Variants in FARSB observed in about 807,000 individuals in gnomAD.
The protein encoded by FARSB is phenylalanine--tRNA ligase beta subunit.
Under a neutral mutation model 69.6 loss-of-function variants are expected in FARSB, and 40 were observed. The observed-to-expected ratio is 0.57, with a 90% CI of 0.45 to 0.75. The LOEUF (loss-of-function observed/expected upper bound fraction) is 0.75, where lower values mean the gene tolerates loss of function less well. Among genes scored for constraint, FARSB ranks in the 30% least tolerant of loss-of-function variants. The pLI is 0.00. For synonymous variants in FARSB, 235 were observed against 247.2 expected (o/e 0.95, Z 0.46); for missense variants, 632 against 722.9 (o/e 0.87, Z 1.44).
chr2:222,575,929 CT>C (rs1464164798), intron 16 of FARSB, among the ~76,000 whole-genome samples: 1 of 152,122 alleles, frequency 6.6e-6, no homozygotes, highest in Non-Finnish European at 1.5e-5. Context: ...TGTAAGCTCC[CT>C]CTCTTGCTCA....
intron 16 of FARSB, among the ~76,000 whole-genome samples, chr2:222,577,655 G>A (rs1449889671): frequency 6.6e-6 from 1 of 152,176 alleles, no homozygotes; most frequent in Non-Finnish European, 1.5e-5. Context: ...CTAAGTGATG[G>A]AGCAATGTCT....
Position 222,619,719 on chromosome 2 carries a change from C to T in FARSB, c.1270G>A (p.Ala424Thr). ...TFALCSQEDI[A>T]DKLGVDISAT... ...GAGATATCCACACCTAGTTTATCAG[C>T]AATATCTTCTTGGGAGCACTGTGAA... is the stretch of plus-strand genomic sequence containing the variant. Residue 424 changes from alanine (A) to threonine (T), a missense_variant, in exon 14 of 17, where the codon GCT becomes ACT. Transcript: ENST00000281828. The T allele has an allele frequency of 6.3e-7, 1 of 1,598,094 alleles. No homozygotes were observed. The highest frequency in any genetic ancestry group is 1.1e-5 in the South Asian group (1 of 90,646).
rs999092016 is a variant in FARSB, at chr2:222,619,717, A to G, written c.1272T>C (p.Ala424=). 1.3e-6 allele frequency: 2 copies of G among 1,598,842 alleles called. No individual in the cohort carries two copies. The highest frequency in any genetic ancestry group is 2.7e-5 in the African/African-American group (2 of 74,660). Residue 424 remains alanine, a synonymous_variant, in exon 14 of 17, where the codon GCT becomes GCC. Transcript: ENST00000281828. ...TFALCSQEDI[A]DKLGVDISAT... The stretch of plus-strand genomic sequence containing the variant: ...CAGAGATATCCACACCTAGTTTATC[A>G]GCAATATCTTCTTGGGAGCACTGTG...
At chr2:222,586,048 A>G (rs953074220) in intron 16 of FARSB, among the ~76,000 whole-genome samples, 1 of 152,188 alleles carries the variant, frequency 6.6e-6, no homozygotes, top group African/African-American at 2.4e-5. Flanking sequence ...AGCAACTCCA[A>G]GACATATAAT....
intron 1 of FARSB, among the ~76,000 whole-genome samples, chr2:222,649,885 C>T (rs954559157): frequency 2.6e-5 from 4 of 152,120 alleles, no homozygotes; most frequent in Non-Finnish European, 5.9e-5. Flanking sequence ...TCTTAAGATT[C>T]CTGATTCAGA....
intron 15 of FARSB, among the ~76,000 whole-genome samples, chr2:222,610,525 A>T (rs79538393): frequency 0.018 from 2,748 of 151,508 alleles, 78 homozygotes; most frequent in African/African-American, 0.058. Context: ...AATAAAAATT[A>T]AAAAAAAAGC....
chr2:222,628,515 C>A (rs1010567810), intron 10 of FARSB, among the ~76,000 whole-genome samples: 1 of 152,162 alleles, frequency 6.6e-6, no homozygotes, highest in Non-Finnish European at 1.5e-5. Context: ...GGAATTATGA[C>A]CACACAATGT....
At chr2:222,597,129 G>A (rs1690439918) in intron 16 of FARSB, among the ~76,000 whole-genome samples, 1 of 152,124 alleles carries the variant, frequency 6.6e-6, no homozygotes, top group Non-Finnish European at 1.5e-5. Flanking sequence ...GATAGGGGGT[G>A]AAAGTAAATC....
chr2:222,575,046 A>G (rs202217666), intron 16 of FARSB, among the ~76,000 whole-genome samples: 2 of 152,368 alleles, frequency 1.3e-5, no homozygotes, highest in East Asian at 3.9e-4. Flanking sequence ...AAAGGATAGA[A>G]GAGAGAATAA....
In FARSB at chr2:222,568,931, A is replaced by G. The variant is rs1689673426; in HGVS notation, c.*2940T>C. 6.6e-6 allele frequency: 1 copy of G among 152,236 alleles called. No individual in the cohort carries two copies. The highest frequency in any genetic ancestry group is 2.4e-5 in the African/African-American group (1 of 41,466). The allele number at this position is 152,236 out of a possible 1,614,324, so 9.4% of individuals were successfully genotyped here. A position where few individuals can be genotyped will look rare whatever the true frequency, so the allele number is the denominator to read the frequency against. ...AAGTTTTTTCTAAGCTAGAACAAAAATCAATTCCATTTAATTTTCACTTTA... is the reference window on the plus strand; with the variant it reads ...AAGTTTTTTCTAAGCTAGAACAAAAGTCAATTCCATTTAATTTTCACTTTA... On this transcript the variant is annotated 3_prime_UTR_variant, in exon 17 of 17. Coordinates refer to ENST00000281828, the MANE Select transcript of FARSB (RefSeq NM_005687.5). The surrounding 1 kb of genome is among the most constrained non-coding windows in gnomAD (Gnocchi z 4.3).
intron 16 of FARSB, among the ~76,000 whole-genome samples, chr2:222,586,435 G>A (rs1320764358): frequency 6.6e-6 from 1 of 152,128 alleles, no homozygotes; most frequent in Non-Finnish European, 1.5e-5. Flanking sequence ...ATTGATGTTA[G>A]GAATAAACTG....
At chr2:222,588,696 A>G (rs1051900552) in intron 16 of FARSB, among the ~76,000 whole-genome samples, 3 of 152,240 alleles carry the variant, frequency 2.0e-5, no homozygotes, top group African/African-American at 7.2e-5. Context: ...AAAAATCACA[A>G]GCATTCCTGT....
intron 13 of FARSB, among the ~76,000 whole-genome samples, chr2:222,621,167 T>C (rs1284721729): frequency 1.3e-5 from 2 of 152,222 alleles, no homozygotes. Context: ...TGCAGACACA[T>C]GGCAACGCAG....
chr2:222,643,109 T>G (rs1445807057), intron 2 of FARSB, 104 bp from the exon 3 acceptor site: 21 of 558,372 alleles, frequency 3.8e-5, no homozygotes, highest in Non-Finnish European at 6.5e-5. Flanking sequence ...TATACATATT[T>G]TCTATAACAA....
intron 2 of FARSB, among the ~76,000 whole-genome samples, chr2:222,644,730 A>C (rs1395668106): frequency 1.3e-5 from 2 of 152,204 alleles, no homozygotes; most frequent in Non-Finnish European, 2.9e-5. Flanking sequence ...CTTCCTATAC[A>C]TACATACCTA....
intron 16 of FARSB, among the ~76,000 whole-genome samples, chr2:222,575,890 T>C (rs1689828187): frequency 6.6e-6 from 1 of 152,144 alleles, no homozygotes; most frequent in South Asian, 2.1e-4. Flanking sequence ...CTTTAGCACA[T>C]TTTCTGGCTA....
intron 15 of FARSB, among the ~76,000 whole-genome samples, chr2:222,607,810 G>A (rs1230292884): frequency 3.3e-5 from 5 of 151,918 alleles, no homozygotes; most frequent in African/African-American, 1.2e-4. Flanking sequence ...TAGCACCAAA[G>A]TACAGAACTT....
intron 15 of FARSB, among the ~76,000 whole-genome samples, chr2:222,606,457 A>C (rs1690706272): frequency 6.6e-6 from 1 of 152,224 alleles, no homozygotes; most frequent in South Asian, 2.1e-4. Flanking sequence ...TTTATAACTC[A>C]GTTAACAGAC....
intron 1 of FARSB, among the ~76,000 whole-genome samples, chr2:222,652,711 C>G (rs1559220374): frequency 6.6e-6 from 1 of 152,224 alleles, no homozygotes; most frequent in Non-Finnish European, 1.5e-5. Context: ...GACTACGGAT[C>G]TGGCAAACAC....
Sources: allele counts gnomAD v4.1 joint callset (sites outside exome capture counted in the v4.1 genomes callset), GRCh38; gene constraint gnomAD v4.1.1; non-coding constraint Gnocchi (gnomAD v3.1); transcripts MANE v1.5; gene names NCBI Gene and HGNC (gene_info 2026-07-23, HGNC 2026-07-21).